Variants in EYS observed in about 807,000 individuals in gnomAD.
EYS encodes protein eyes shut homolog.
In EYS, 250 loss-of-function variants were observed where a neutral mutation model predicts 282.1. The observed-to-expected ratio is 0.89, with a 90% CI of 0.80 to 0.98. EYS has a LOEUF of 0.98. Among genes scored for constraint, EYS ranks in the 50% least tolerant of loss-of-function variants. The pLI is 0.00. For synonymous variants in EYS, 1,355 were observed against 1,282.9 expected (o/e 1.06, Z -1.20); for missense variants, 4,016 against 3,709.0 (o/e 1.08, Z -2.15).
intron 28 of EYS, among the ~76,000 whole-genome samples, chr6:64,414,208 G>T (rs542824213): frequency 6.6e-6 from 1 of 152,160 alleles, no homozygotes; most frequent in South Asian, 2.1e-4. Context: ...GAAATGAAGA[G>T]AAATTAAAAG....
intron 41 of EYS, among the ~76,000 whole-genome samples, chr6:63,745,615 A>G (rs1440804898): frequency 6.6e-6 from 1 of 152,244 alleles, no homozygotes; most frequent in African/African-American, 2.4e-5. Flanking sequence ...ATATGTCTCT[A>G]ACAAACACTA....
intron 12 of EYS, among the ~76,000 whole-genome samples, chr6:65,187,421 A>T (rs1765540430): frequency 6.6e-6 from 1 of 151,744 alleles, no homozygotes. Context: ...AACTGATTTT[A>T]GAAAGTCAAA....
intron 14 of EYS, among the ~76,000 whole-genome samples, chr6:64,946,827 C>A (rs180697160): frequency 6.6e-6 from 1 of 151,798 alleles, no homozygotes; most frequent in Non-Finnish European, 1.5e-5. Context: ...TATTTACTTT[C>A]GGTTGAAATG....
rs996856507 is a variant in EYS at position 64,591,760 on chromosome 6, T to A, written c.4107A>T (p.Ser1369=). 1 of 1,551,204 alleles carries A rather than the reference T, an allele frequency of 6.4e-7. No homozygotes were observed. Among genetic ancestry groups the A allele is most frequent in the African/African-American group, 1.4e-5 (1 of 72,996 alleles). ...CTGCTGAAGTTCGAATAGGCATATG[T>A]GATACCGATGTTTTGTCCTGGACAA... ...AQIVQDKTSV[S]HMPIRTSAAT... Residue 1369 remains serine, a synonymous_variant, in exon 26 of 43, where the codon TCA becomes TCT. Transcript: ENST00000503581.
intron 26 of EYS, among the ~76,000 whole-genome samples, chr6:64,465,573 C>T (rs1361782802): frequency 6.6e-6 from 1 of 152,082 alleles, no homozygotes; most frequent in Non-Finnish European, 1.5e-5. Context: ...TAAACCTTTA[C>T]ATCACACCAT....
intron 12 of EYS, among the ~76,000 whole-genome samples, chr6:65,240,979 C>T (rs946364993): frequency 6.6e-6 from 1 of 152,090 alleles, no homozygotes; most frequent in Non-Finnish European, 1.5e-5. Flanking sequence ...CTTGAAATTC[C>T]TGACAGTGTT....
At chr6:65,006,913 C>A (rs916727443) in intron 13 of EYS, among the ~76,000 whole-genome samples, 2 of 152,174 alleles carry the variant, frequency 1.3e-5, no homozygotes, top group African/African-American at 2.4e-5. Flanking sequence ...TTTTGCTACA[C>A]CCTCTCTGAA....
At chr6:64,409,865 C>T (rs571975723) in intron 28 of EYS, among the ~76,000 whole-genome samples, 95 of 152,048 alleles carry the variant, frequency 6.2e-4, no homozygotes, top group African/African-American at 2.1e-3. Flanking sequence ...AAGACATGTA[C>T]TATGAAAGTG....
chr6:64,492,659 A>G (rs1484985432), intron 26 of EYS, among the ~76,000 whole-genome samples: 5 of 151,344 alleles, frequency 3.3e-5, no homozygotes, highest in African/African-American at 9.7e-5. Context: ...GTGGAGAAGA[A>G]CAATTAACTC....
At chr6:64,552,075 C>T (rs1319035005) in intron 26 of EYS, among the ~76,000 whole-genome samples, 1 of 152,166 alleles carries the variant, frequency 6.6e-6, no homozygotes, top group Non-Finnish European at 1.5e-5. Context: ...TGGCCATCAG[C>T]CAAGTGCATT....
chr6:64,871,772 G>A (rs1240464650), intron 19 of EYS, among the ~76,000 whole-genome samples: 3 of 151,982 alleles, frequency 2.0e-5, no homozygotes, highest in African/African-American at 7.2e-5. Flanking sequence ...TTGAGAGAAG[G>A]TAGGTTTCAC....
chr6:65,268,123 A>G (rs1767806955), intron 12 of EYS, among the ~76,000 whole-genome samples: 1 of 152,004 alleles, frequency 6.6e-6, no homozygotes, highest in African/African-American at 2.4e-5. Context: ...TGAATAATTA[A>G]TCAGTTACAC....
intron 13 of EYS, among the ~76,000 whole-genome samples, chr6:65,000,266 C>A (rs1483678671): frequency 6.6e-6 from 1 of 152,150 alleles, no homozygotes; most frequent in Non-Finnish European, 1.5e-5. Context: ...AGGACCTTTC[C>A]CATTTCAACT....
chr6:63,831,901 G>T (rs1471302372), intron 36 of EYS, among the ~76,000 whole-genome samples: 1 of 152,102 alleles, frequency 6.6e-6, no homozygotes, highest in Non-Finnish European at 1.5e-5. Context: ...TAGAACTCAG[G>T]ATTAAGAAAC....
intron 2 of EYS, among the ~76,000 whole-genome samples, chr6:65,616,891 C>T (rs1371014805): frequency 6.6e-6 from 1 of 152,058 alleles, no homozygotes; most frequent in African/African-American, 2.4e-5. Flanking sequence ...TGACTGATCA[C>T]TATGACTAAC....
chr6:64,128,223 A>AATG, intron 31 of EYS, among the ~76,000 whole-genome samples: 1 of 152,230 alleles, frequency 6.6e-6, no homozygotes, highest in Middle Eastern at 3.4e-3. Context: ...GGATGTTTCA[A>AATG]TTGCATTTCT....
At chr6:63,941,469 G>C (rs796494369) in intron 35 of EYS, among the ~76,000 whole-genome samples, 12 of 152,292 alleles carry the variant, frequency 7.9e-5, no homozygotes, top group African/African-American at 2.9e-4. Context: ...TCTGTTGGCT[G>C]CATAAATGTC....
intron 35 of EYS, among the ~76,000 whole-genome samples, chr6:63,901,980 C>G (rs1007825563): frequency 7.9e-5 from 12 of 152,152 alleles, no homozygotes; most frequent in African/African-American, 2.6e-4. Flanking sequence ...GCAACTTCTG[C>G]CCCCCTGGTT....
At chr6:63,830,803 G>A (rs974789304) in intron 36 of EYS, among the ~76,000 whole-genome samples, 1 of 152,172 alleles carries the variant, frequency 6.6e-6, no homozygotes. Flanking sequence ...AAAATGTTAA[G>A]GGCAGCCAGA....
Sources: gnomAD v4.1 joint callset for allele counts (sites outside exome capture counted in the v4.1 genomes callset) on GRCh38, gnomAD v4.1.1 for gene constraint, MANE v1.5 for transcripts, NCBI Gene and HGNC (gene_info 2026-07-23, HGNC 2026-07-21) for gene names.